Variants in RABGAP1L observed in about 807,000 individuals in gnomAD.
RABGAP1L encodes the protein RAB GTPase activating protein 1 like.
A neutral mutation model predicts 137.7 loss-of-function variants in RABGAP1L; 63 were observed. That is an observed-to-expected ratio of 0.46 (90% confidence interval 0.37 to 0.56). RABGAP1L has a LOEUF of 0.56. Ranked by LOEUF, RABGAP1L falls within the 20% of genes least tolerant of loss-of-function variation. The probability of loss-of-function intolerance (pLI) is 0.00; values close to 1 mark genes in which losing one functional copy is unlikely to be tolerated. For synonymous variants in RABGAP1L, 431 were observed against 433.7 expected (o/e 0.99, Z 0.08); for missense variants, 1,095 against 1,244.0 (o/e 0.88, Z 1.80).
At chr1:174,555,501 G>A (rs962204400) in intron 13 of RABGAP1L, among the ~76,000 whole-genome samples, 5 of 151,780 alleles carry the variant, frequency 3.3e-5, no homozygotes, top group African/African-American at 9.7e-5. Context: ...CATTTGTCGA[G>A]CATTTATTAT....
At chr1:174,349,738 C>A (rs1247750621) in intron 11 of RABGAP1L, among the ~76,000 whole-genome samples, 5 of 139,312 alleles carry the variant, frequency 3.6e-5, no homozygotes, top group Admixed American at 7.0e-5. Context: ...GGGGGCTGAC[C>A]CCCCCACCTC....
intron 11 of RABGAP1L, among the ~76,000 whole-genome samples, chr1:174,335,846 G>A (rs1196097446): frequency 6.6e-6 from 1 of 152,194 alleles, no homozygotes; most frequent in Non-Finnish European, 1.5e-5. Context: ...AAATATTTGT[G>A]TACCTGCTGT....
chr1:174,725,937 C>T (rs1442481567), intron 17 of RABGAP1L, among the ~76,000 whole-genome samples: 1 of 151,904 alleles, frequency 6.6e-6, no homozygotes, highest in African/African-American at 2.4e-5. Flanking sequence ...TGTAACAAAC[C>T]TGCACATTGT....
chr1:174,379,268 G>A (rs201476439), intron 12 of RABGAP1L, among the ~76,000 whole-genome samples: 13,265 of 148,308 alleles, frequency 0.089, 772 homozygotes, highest in East Asian at 0.21. Context: ...TTGGCGATGC[G>A]GGCTGTTTTT....
intron 19 of RABGAP1L, among the ~76,000 whole-genome samples, chr1:174,936,866 A>G (rs1333205795): frequency 3.3e-5 from 5 of 152,050 alleles, no homozygotes; most frequent in African/African-American, 7.2e-5. Flanking sequence ...ATATAATTAC[A>G]TGTTACACTA....
intron 13 of RABGAP1L, among the ~76,000 whole-genome samples, chr1:174,422,967 AT>A (rs1198671624): frequency 0.065 from 8,916 of 137,252 alleles, 968 homozygotes; most frequent in African/African-American, 0.24. Context: ...AAAAAAAAAA[AT>A]TTTTTTTGAA....
chr1:174,355,580 T>A (rs968161083), intron 11 of RABGAP1L, among the ~76,000 whole-genome samples: 1 of 151,858 alleles, frequency 6.6e-6, no homozygotes, highest in African/African-American at 2.4e-5. Flanking sequence ...AACCTGCACA[T>A]TGTGCACATG....
At chr1:174,278,284 T>A (rs1367429564) in intron 9 of RABGAP1L, among the ~76,000 whole-genome samples, 1 of 152,040 alleles carries the variant, frequency 6.6e-6, no homozygotes, top group Non-Finnish European at 1.5e-5. Flanking sequence ...CGGGCACCTG[T>A]AATCCCAGCT....
chr1:174,551,725 A>C (rs1666558657), intron 13 of RABGAP1L, among the ~76,000 whole-genome samples: 1 of 151,544 alleles, frequency 6.6e-6, no homozygotes, highest in East Asian at 1.9e-4. Flanking sequence ...CAAAAACAAC[A>C]GAGAAAAACC....
intron 14 of RABGAP1L, among the ~76,000 whole-genome samples, chr1:174,681,153 T>C (rs1000603144): frequency 6.6e-6 from 1 of 152,178 alleles, no homozygotes; most frequent in Non-Finnish European, 1.5e-5. Flanking sequence ...GGGAAACAAT[T>C]TGGCAATTTC....
chr1:174,187,013 T>C (rs1666853579), intron 1 of RABGAP1L, among the ~76,000 whole-genome samples: 1 of 152,174 alleles, frequency 6.6e-6, no homozygotes, highest in South Asian at 2.1e-4. Flanking sequence ...TCCTTAGGTT[T>C]TCTGTGATAA....
chr1:174,975,939 G>A, intron 21 of RABGAP1L, 139 bp from the exon 22 acceptor site: 1 of 716,440 alleles, frequency 1.4e-6, no homozygotes. Flanking sequence ...CCATCGCTTG[G>A]TTGAGCTAGG....
intron 1 of RABGAP1L, among the ~76,000 whole-genome samples, chr1:174,215,466 AAAATAATAAT>A (rs1442006642): frequency 6.6e-6 from 1 of 150,912 alleles, no homozygotes; most frequent in African/African-American, 2.4e-5. Context: ...TCAAAAAAAA[AAAATAATAAT>A]AATAAAATAA....
chr1:174,989,096 T>TA (rs1426848579), intron 25 of RABGAP1L, among the ~76,000 whole-genome samples: 2 of 152,204 alleles, frequency 1.3e-5, no homozygotes, highest in African/African-American at 2.4e-5. Context: ...TTGTTTTTTT[T>TA]ACCCTGAGAT....
intron 13 of RABGAP1L, among the ~76,000 whole-genome samples, chr1:174,555,555 T>C (rs373511471): frequency 1.0e-3 from 156 of 152,172 alleles, no homozygotes; most frequent in African/African-American, 3.4e-3. Context: ...AAAATGTATG[T>C]TCCCTTTCTT....
At chr1:174,951,739 C>G (rs1188466856) in intron 19 of RABGAP1L, among the ~76,000 whole-genome samples, 1 of 152,158 alleles carries the variant, frequency 6.6e-6, no homozygotes, top group African/African-American at 2.4e-5. Flanking sequence ...GCAGCCGCTA[C>G]TGACATTTAA....
intron 13 of RABGAP1L, among the ~76,000 whole-genome samples, chr1:174,575,934 T>G (rs1342795376): frequency 2.0e-5 from 3 of 152,172 alleles, no homozygotes; most frequent in Non-Finnish European, 4.4e-5. Context: ...GATTTAGGGT[T>G]GTTTGATTAT....
chr1:174,435,179 C>T (rs1380442814), intron 13 of RABGAP1L, among the ~76,000 whole-genome samples: 3 of 152,008 alleles, frequency 2.0e-5, no homozygotes, highest in Non-Finnish European at 4.4e-5. Flanking sequence ...ACCACCACAC[C>T]CAGCTAAATT....
chr1:174,257,052 C>G (rs952392160), intron 7 of RABGAP1L, among the ~76,000 whole-genome samples: 2 of 152,126 alleles, frequency 1.3e-5, no homozygotes, highest in South Asian at 2.1e-4. Context: ...CCTCCTCCCC[C>G]CAGTACTATA....
Sources: allele counts gnomAD v4.1 joint callset (sites outside exome capture counted in the v4.1 genomes callset), GRCh38; gene constraint gnomAD v4.1.1; transcripts MANE v1.5; gene names NCBI Gene and HGNC (gene_info 2026-07-23, HGNC 2026-07-21).